The following PIK3C2A variants were observed in gnomAD, a reference collection of about 807,000 sequenced individuals.
PIK3C2A encodes phosphatidylinositol-4-phosphate 3-kinase catalytic subunit type 2 alpha.
In PIK3C2A, 97 loss-of-function variants were observed where a neutral mutation model predicts 204.5. That is an observed-to-expected ratio of 0.47 (90% CI 0.40 to 0.56). The LOEUF (loss-of-function observed/expected upper bound fraction) is 0.56. Ranked by LOEUF, PIK3C2A falls within the 20% of genes least tolerant of loss-of-function variation. The pLI is 0.00. For missense variants in PIK3C2A, 1,735 were observed against 1,969.2 expected, an observed-to-expected ratio of 0.88 and a Z score of 2.25; for synonymous variants, 653 against 664.4, an observed-to-expected ratio of 0.98 and a Z score of 0.26.
At chr11:17,176,293 C>G (rs892582754) in intron 1 of PIK3C2A, among the ~76,000 whole-genome samples, 3 of 151,740 alleles carry the variant, frequency 2.0e-5, no homozygotes, top group African/African-American at 7.3e-5. Flanking sequence ...AGGTGTGAGC[C>G]ACTGAGCCCA....
At chr11:17,119,350 T>A in intron 16 of PIK3C2A, 37 bp from the exon 17 acceptor site, 1 of 1,226,286 alleles carries the variant, frequency 8.2e-7, no homozygotes, top group South Asian at 1.2e-5. Context: ...TGGACAGTGA[T>A]TTCTTTCCAG....
intron 1 of PIK3C2A, among the ~76,000 whole-genome samples, chr11:17,185,378 T>A (rs1456016869): frequency 6.6e-6 from 1 of 152,220 alleles, no homozygotes; most frequent in Admixed American, 6.5e-5. Context: ...TTTAAGTTCT[T>A]GCTATGACAT....
chr11:17,138,318 C>G (rs1344115435), intron 8 of PIK3C2A: 4 of 489,786 alleles, frequency 8.2e-6, no homozygotes, highest in Non-Finnish European at 1.5e-5. Context: ...GAAAAACAGC[C>G]AGCTTCCTTT....
intron 1 of PIK3C2A, among the ~76,000 whole-genome samples, chr11:17,186,177 C>T (rs961313572): frequency 4.6e-5 from 7 of 152,132 alleles, no homozygotes; most frequent in Non-Finnish European, 7.4e-5. Flanking sequence ...CTTAATCCCT[C>T]GCTTCCTTCA....
At chr11:17,134,439 G>A (rs752626818) in intron 11 of PIK3C2A, among the ~76,000 whole-genome samples, 2 of 151,726 alleles carry the variant, frequency 1.3e-5, no homozygotes, top group Non-Finnish European at 2.9e-5. Context: ...TTGGCTCACC[G>A]CAACCTCCAC....
chr11:17,124,389 G>GT (rs2137356299), intron 13 of PIK3C2A, among the ~76,000 whole-genome samples: 1 of 150,938 alleles, frequency 6.6e-6, no homozygotes, highest in Non-Finnish European at 1.5e-5. Context: ...CATAAATGAT[G>GT]TTTTTTAAAA....
intron 2 of PIK3C2A, among the ~76,000 whole-genome samples, chr11:17,159,377 C>T (rs188407534): frequency 1.1e-4 from 17 of 152,252 alleles, no homozygotes; most frequent in African/African-American, 4.1e-4. Context: ...TAGCCAATAC[C>T]TGGAACAAAG....
At position 17,099,940 on chromosome 11, in the gene PIK3C2A, TG is replaced by T. The variant is rs774269018; in HGVS notation, c.4037del (p.Thr1346LysfsTer6). ...LMIPSGLPEL[T>X]SIQDLKYVRD... ...TAACGTATTTCAAATCTTGAATACT[TG>T]TAAGTTCTGGTAACCCTGAAGGAAT... On this transcript the variant is annotated frameshift_variant, in exon 26 of 33. Transcript: ENST00000691414. LOFTEE classifies it high-confidence loss of function. The T allele has an allele frequency of 1.6e-5, 25 of 1,584,392 alleles. No individual in the cohort carries two copies. Among genetic ancestry groups the T allele is most frequent in the Non-Finnish European group, 2.1e-5 (24 of 1,153,594 alleles).
Position 17,122,204 on chromosome 11 carries a change from T to C in PIK3C2A, c.2641A>G (p.Lys881Glu), listed in dbSNP as rs1849387804. ...IKGKLLDILHKDSSLGLSKED... is the reference protein window; with the variant it reads ...IKGKLLDILHEDSSLGLSKED... ...AGAACATACCCAAGTGATGAGTCTT[T>C]ATGAAGAATATCAAGAAGTTTCCCT... The change falls in exon 15 of 33, where the codon AAA becomes GAA. Residue 881 changes from lysine (K) to glutamate (E), a missense_variant. This residue lies in a region of PIK3C2A where 567 missense variants were observed against 576.0 expected (regional missense o/e 0.98). Coordinates refer to ENST00000691414, the MANE Select transcript of PIK3C2A (RefSeq NM_002645.4). 1.3e-6 allele frequency: 2 copies of C among 1,582,910 alleles called. No individual in the cohort carries two copies. Among genetic ancestry groups the C allele is most frequent in the South Asian group, 1.1e-5 (1 of 90,172 alleles).
intron 12 of PIK3C2A, 136 bp downstream of exon 12, chr11:17,131,780 G>C: frequency 4.1e-6 from 3 of 735,568 alleles, no homozygotes; most frequent in Non-Finnish European, 4.7e-6. Context: ...ATCTAGAAGA[G>C]AGATCTTAAG....
chr11:17,104,440 C>T (rs1367047646), intron 23 of PIK3C2A, among the ~76,000 whole-genome samples: 1 of 152,032 alleles, frequency 6.6e-6, no homozygotes, highest in African/African-American at 2.4e-5. Flanking sequence ...AAATAATCTG[C>T]ATAGGTCAGG....
intron 12 of PIK3C2A, among the ~76,000 whole-genome samples, chr11:17,131,006 G>C (rs185854222): frequency 6.6e-6 from 1 of 151,880 alleles, no homozygotes; most frequent in African/African-American, 2.4e-5. Context: ...GGCCAACATG[G>C]TGAAACCCCA....
intron 23 of PIK3C2A, among the ~76,000 whole-genome samples, chr11:17,104,596 G>A (rs1848742793): frequency 6.6e-6 from 1 of 151,890 alleles, no homozygotes; most frequent in Non-Finnish European, 1.5e-5. Flanking sequence ...GTGGTGGTGG[G>A]CGCCTGTAGC....
At chr11:17,139,313 C>T (rs535070005) in intron 8 of PIK3C2A, among the ~76,000 whole-genome samples, 7 of 151,982 alleles carry the variant, frequency 4.6e-5, no homozygotes, top group Admixed American at 2.6e-4. Flanking sequence ...CTGCAACCTT[C>T]GCCTCCTGGG....
In PIK3C2A at chr11:17,110,447, T is replaced by C. The variant is rs752541285; in HGVS notation, c.3529A>G (p.Thr1177Ala). 3.1e-6 allele frequency: 5 copies of C among 1,611,418 alleles called. No homozygotes were observed. The Admixed American group carries it at 5.0e-5, about 16-fold the overall frequency. The stretch of plus-strand genomic sequence containing the variant: ...ATAAACTTACCTCGATCTCTGCCAG[T>C]TGAGAGACATTTGAAAATTACCATC... ...LRMVIFKCLS[T>A]GRDRGMVELV... Residue 1177 changes from threonine to alanine, a missense_variant, in exon 22 of 33, where the codon ACT becomes GCT. By Grantham distance (58) the Thr-to-Ala change is moderately conservative (BLOSUM62 0). Around this residue, in one of 6 missense-constraint regions of PIK3C2A, gnomAD observed 503 missense variants for 669.0 expected, o/e 0.75. Transcript: ENST00000691414.
At chr11:17,100,039 G>T in intron 25 of PIK3C2A, 70 bp from the exon 26 acceptor site, 1 of 751,600 alleles carries the variant, frequency 1.3e-6, no homozygotes, top group Non-Finnish European at 2.4e-6. Context: ...CCTTCCTGTG[G>T]GCTGCTCAAG....
At chr11:17,166,033 C>T (rs2137478052) in intron 2 of PIK3C2A, among the ~76,000 whole-genome samples, 2 of 152,262 alleles carry the variant, frequency 1.3e-5, no homozygotes, top group Non-Finnish European at 2.9e-5. Flanking sequence ...CAATACCTCA[C>T]TTGATTTTAC....
At chr11:17,164,453 A>T (rs1850883750) in intron 2 of PIK3C2A, among the ~76,000 whole-genome samples, 1 of 152,184 alleles carries the variant, frequency 6.6e-6, no homozygotes. Context: ...ATTAGAGTAT[A>T]ATGGAATGAT....
chr11:17,156,745 G>A (rs768545711), intron 2 of PIK3C2A, among the ~76,000 whole-genome samples: 6 of 152,142 alleles, frequency 3.9e-5, no homozygotes, highest in Non-Finnish European at 8.8e-5. Flanking sequence ...GCTAGAATGT[G>A]ATATACACAT....
Sources: allele counts gnomAD v4.1 joint callset (sites outside exome capture counted in the v4.1 genomes callset), GRCh38; gene constraint gnomAD v4.1.1; regional missense constraint gnomAD v4.1.1; transcripts MANE v1.5; gene names NCBI Gene and HGNC (gene_info 2026-07-23, HGNC 2026-07-21).